Variants in SFI1 observed in about 807,000 individuals in gnomAD.
SFI1 encodes SFI1 centrin binding protein.
SFI1 carries 195 observed loss-of-function variants against 207.5 expected under a neutral mutation model. The observed-to-expected ratio is 0.94, with a 90% CI of 0.84 to 1.06. SFI1 has a LOEUF of 1.06. Among genes scored for constraint, SFI1 ranks in the 50% least tolerant of loss-of-function variants. The pLI is 0.00. For synonymous variants in SFI1, 630 were observed against 598.9 expected (o/e 1.05, Z -0.76); for missense variants, 1,634 against 1,588.0 (o/e 1.03, Z -0.49).
At chr22:31,517,529 C>T (rs763288945) in intron 2 of SFI1, among the ~76,000 whole-genome samples, 1 of 152,132 alleles carries the variant, frequency 6.6e-6, no homozygotes, top group African/African-American at 2.4e-5. Context: ...ATTACAGGTG[C>T]GGGCCACCAT....
At chr22:31,573,266 C>G in intron 9 of SFI1, 52 bp downstream of exon 9, 2 of 1,548,706 alleles carry the variant, frequency 1.3e-6, no homozygotes, top group Non-Finnish European at 1.8e-6. Flanking sequence ...CACAGTTTCA[C>G]TCTCCTGCTG....
intron 15 of SFI1, among the ~76,000 whole-genome samples, chr22:31,599,881 T>TTA (rs66754576): frequency 2.9e-3 from 188 of 64,512 alleles, no homozygotes; most frequent in African/African-American, 7.3e-3. Flanking sequence ...ATTGTTGTTA[T>TTA]TTTTTTTTTT....
chr22:31,616,993 G>T lies in SFI1; in HGVS notation c.3434-7G>T, dbSNP rs370358617. On this transcript the variant is annotated splice_region_variant and splice_polypyrimidine_tract_variant and intron_variant, in intron 30 of 32. Coordinates refer to ENST00000400288, the MANE Select transcript of SFI1 (RefSeq NM_001007467.3). Reference sequence around the variant, plus strand: ...AGTCTGAAACAAGCTTACTTCTGTCGCCATAGGCAGCCTGGACCTTGAGGC... The same window carrying T: ...AGTCTGAAACAAGCTTACTTCTGTCTCCATAGGCAGCCTGGACCTTGAGGC... 6 of 1,613,994 alleles carry T rather than the reference G, an allele frequency of 3.7e-6. No individual in the cohort carries two copies. The South Asian group carries it at 4.4e-5, about 12-fold the overall frequency.
In SFI1 at chr22:31,605,973, G is replaced by A. The variant is rs193209408; in HGVS notation, c.2055-355G>A. On this transcript the variant is annotated intron_variant, in intron 20 of 32. Coordinates refer to ENST00000400288, the MANE Select transcript of SFI1 (RefSeq NM_001007467.3). ...CTGAGCTAACTCAGCAGCAAGCTGA[G>A]GCGTAGGCAACCTTCCTCCAGGTTC... The A allele has an allele frequency of 1.6e-5, 4 of 248,940 alleles. No homozygotes were observed. In the Admixed American group the frequency reaches 2.0e-4, roughly 12 times the overall value. 15.4% of individuals were successfully genotyped at this position (248,940 alleles called of 1,614,324 possible). A position where few individuals can be genotyped will look rare whatever the true frequency, so the allele number is the denominator to read the frequency against.
chr22:31,497,874 T>G (rs1449576184), intron 1 of SFI1, among the ~76,000 whole-genome samples: 1 of 152,226 alleles, frequency 6.6e-6, no homozygotes, highest in East Asian at 1.9e-4. Context: ...AGGCACCTGG[T>G]CACCAAGGAA....
chr22:31,595,059 C>A (rs2066895369), intron 15 of SFI1, among the ~76,000 whole-genome samples: 1 of 151,962 alleles, frequency 6.6e-6, no homozygotes, highest in Admixed American at 6.6e-5. Flanking sequence ...TGCAGTGGCA[C>A]CATCTTGACT....
At chr22:31,530,910 G>A in intron 3 of SFI1, 148 bp from the exon 4 acceptor site, 1 of 626,876 alleles carries the variant, frequency 1.6e-6, no homozygotes, top group South Asian at 1.9e-5. Context: ...TGCCCTGTAT[G>A]ATGCAAAATT....
In SFI1 at chr22:31,535,691, T is replaced by C. The variant is rs374357949; in HGVS notation, c.338+4562T>C. 2.0e-4 allele frequency among the ~76,000 whole-genome samples: 30 copies of C among 152,078 alleles called. 1 individual carries two copies. The East Asian group carries it at 2.9e-3, about 15-fold the overall frequency. On this transcript the variant is annotated intron_variant, in intron 4 of 32. Coordinates refer to ENST00000400288, the MANE Select transcript of SFI1 (RefSeq NM_001007467.3). ...GCACCACCATGCCCGGCTAATTTTA[T>C]TGCTTATTTTTATGTGAAATTAGTT...
intron 1 of SFI1, among the ~76,000 whole-genome samples, chr22:31,502,866 C>T (rs1413668920): frequency 6.6e-6 from 1 of 151,898 alleles, no homozygotes; most frequent in Admixed American, 6.6e-5. Flanking sequence ...GTAATCCCAG[C>T]ACTTTGGGAG....
chr22:31,542,811 A>C (rs1190237759), intron 4 of SFI1, among the ~76,000 whole-genome samples: 3 of 150,592 alleles, frequency 2.0e-5, no homozygotes, highest in Non-Finnish European at 4.4e-5. Context: ...ACAGGCATGC[A>C]CCACAACGCC....
At position 31,612,388 on chromosome 22, in the gene SFI1, A is replaced by T. The variant is rs1308763340; in HGVS notation, c.2490+548A>T. The T allele has an allele frequency of 1.1e-4, 12 of 108,784 alleles. No homozygotes were observed. In the South Asian group the frequency reaches 2.2e-3, roughly 20 times the overall value. The allele number at this position is 108,784 out of a possible 1,614,324, so 6.7% of individuals were successfully genotyped here. On this transcript the variant is annotated intron_variant, in intron 24 of 32. Transcript: ENST00000400288. ...GAGCGAGACTCTGTCTAAAAAAAAA[A>T]AAAAAAAAAAATATATATATATATA...
At chr22:31,513,596 TAGACAGA>T (rs2055981393) in intron 2 of SFI1, among the ~76,000 whole-genome samples, 1 of 149,312 alleles carries the variant, frequency 6.7e-6, no homozygotes, top group African/African-American at 2.5e-5. Flanking sequence ...TGTTTTATTT[TAGACAGA>T]GTCTTGCTCT....
At chr22:31,553,838 GTTTTTTTTTTTTTTTTT>G (rs58333559) in intron 6 of SFI1, among the ~76,000 whole-genome samples, 1 of 26,308 alleles carries the variant, frequency 3.8e-5, no homozygotes, top group African/African-American at 1.3e-4. Flanking sequence ...AATGGATTAT[GTTTTTTTTTTTTTTTTT>G]TTTTTTTTTT....
At chr22:31,588,228 C>A (rs1310661194) in intron 14 of SFI1, among the ~76,000 whole-genome samples, 1 of 152,208 alleles carries the variant, frequency 6.6e-6, no homozygotes, top group African/African-American at 2.4e-5. Flanking sequence ...AGACTGGGCT[C>A]AACTGGGAAT....
At chr22:31,523,342 G>T (rs929224618) in intron 2 of SFI1, among the ~76,000 whole-genome samples, 37 of 152,308 alleles carry the variant, frequency 2.4e-4, no homozygotes, top group African/African-American at 8.7e-4. Context: ...CCCACCTTCA[G>T]TGTAAATGTA....
rs1309811338 is a variant in SFI1, at chr22:31,568,188, TG to T, written c.766-4869del. Among the ~76,000 whole-genome samples the T allele has an allele frequency of 2.7e-3, 229 of 86,140 alleles. 1 individual carries two copies. The highest frequency in any genetic ancestry group is 0.016 in the Middle Eastern group (3 of 182). The allele number at this position is 86,140 out of a possible 152,430, so 56.5% of individuals were successfully genotyped here. A position where few individuals can be genotyped will look rare whatever the true frequency, so the allele number is the denominator to read the frequency against. On this transcript the variant is annotated intron_variant, in intron 8 of 32. Coordinates refer to ENST00000400288, the MANE Select transcript of SFI1 (RefSeq NM_001007467.3). ...ATATGTGTGTGTGTGTGTGTGTGTG[TG>T]TGTGTTGTGTGTGTGTGTGTGTATA...
chr22:31,508,115 T>C, intron 1 of SFI1, 140 bp from the exon 2 acceptor site: 1 of 437,884 alleles, frequency 2.3e-6, no homozygotes, highest in Non-Finnish European at 4.1e-6. Flanking sequence ...TATAATATTT[T>C]AAGTCAGAGA....
chr22:31,556,422 A>G (rs890249244), intron 6 of SFI1, among the ~76,000 whole-genome samples: 2 of 152,062 alleles, frequency 1.3e-5, no homozygotes, highest in African/African-American at 4.8e-5. Context: ...GGGTTTCACC[A>G]CGTTGGTCAG....
chr22:31,577,567 C>G lies in SFI1; in HGVS notation c.1085-815C>G, dbSNP rs140353988. Among the ~76,000 whole-genome samples, 495 of 152,188 alleles carry G rather than the reference C, an allele frequency of 3.3e-3. 2 individuals carry two copies. Among genetic ancestry groups the G allele is most frequent in the African/African-American group, 0.011 (477 of 41,534 alleles). ...AAACTACAGGCACACACCATCACACCCGGCTTCAGGGGTTTTTAAGAAGAG... is the reference window on the plus strand; with the variant it reads ...AAACTACAGGCACACACCATCACACGCGGCTTCAGGGGTTTTTAAGAAGAG... On this transcript the variant is annotated intron_variant, in intron 10 of 32. Transcript: ENST00000400288.
Sources: allele counts gnomAD v4.1 joint callset (sites outside exome capture counted in the v4.1 genomes callset), GRCh38; gene constraint gnomAD v4.1.1; transcripts MANE v1.5; gene names NCBI Gene and HGNC (gene_info 2026-07-23, HGNC 2026-07-21).